The following STK3 variants were observed in gnomAD, a reference collection of about 807,000 sequenced individuals.
STK3 encodes the protein serine/threonine-protein kinase 3.
In STK3, 41 loss-of-function variants were observed where a neutral mutation model predicts 58.0. The ratio of observed to expected loss-of-function variants is 0.71; its 90% confidence interval spans 0.55 to 0.92. STK3 has a LOEUF of 0.92. Ranked by LOEUF, STK3 falls within the 40% of genes least tolerant of loss-of-function variation. The probability of loss-of-function intolerance (pLI) is 0.00; values close to 1 mark genes in which losing one functional copy is unlikely to be tolerated. For missense variants in STK3, 479 were observed against 602.7 expected, an observed-to-expected ratio of 0.79 and a Z score of 2.15; for synonymous variants, 170 against 191.0, an observed-to-expected ratio of 0.89 and a Z score of 0.91.
At chr8:98,460,892 A>T (rs1018981573) in intron 10 of STK3, among the ~76,000 whole-genome samples, 4 of 152,142 alleles carry the variant, frequency 2.6e-5, no homozygotes, top group African/African-American at 9.7e-5. Flanking sequence ...AAACATATTG[A>T]GACTTGTTTT....
chr8:98,568,060 AGAT>A (rs1812636462), intron 8 of STK3, among the ~76,000 whole-genome samples: 1 of 137,870 alleles, frequency 7.3e-6, no homozygotes, highest in Non-Finnish European at 1.6e-5. Context: ...TGTCTTAGAT[AGAT>A]GATAGATAGA....
At position 98,742,483 on chromosome 8, in the gene STK3, T is replaced by C. The variant is rs375323105; in HGVS notation, c.351+6793A>G. On this transcript the variant is annotated intron_variant, in intron 4 of 10. Transcript: ENST00000419617. Reference sequence around the variant, plus strand: ...TAAACAGAACCAACGACAAAAACCATATGATTATCTCAATAGATGCAGAAA... The same window carrying C: ...TAAACAGAACCAACGACAAAAACCACATGATTATCTCAATAGATGCAGAAA... Among the ~76,000 whole-genome samples, 8 of 122,042 alleles carry C rather than the reference T, an allele frequency of 6.6e-5. 1 individual carries two copies. The highest frequency in any genetic ancestry group is 2.8e-4 in the Admixed American group (3 of 10,742). The allele number at this position is 122,042 out of a possible 152,430, so 80.1% of individuals were successfully genotyped here.
intron 10 of STK3, among the ~76,000 whole-genome samples, chr8:98,521,481 G>A (rs1214605928): frequency 1.3e-5 from 2 of 151,664 alleles, no homozygotes; most frequent in South Asian, 2.1e-4. Flanking sequence ...CCACATAACC[G>A]ATTTCCCCTA....
At chr8:98,838,429 G>A (rs559456883) in intron 3 of STK3, among the ~76,000 whole-genome samples, 15 of 152,104 alleles carry the variant, frequency 9.9e-5, no homozygotes, top group Non-Finnish European at 1.6e-4. Flanking sequence ...ACTTCTAGGC[G>A]AGGAGAGTTA....
downstream of STK3, among the ~76,000 whole-genome samples, chr8:98,453,862 TA>T (rs1819313834): frequency 6.6e-6 from 1 of 152,140 alleles, no homozygotes; most frequent in South Asian, 2.1e-4. Context: ...AACAGGTTAG[TA>T]AAAAGAAAAA....
intron 10 of STK3, among the ~76,000 whole-genome samples, chr8:98,518,115 T>C (rs1384878036): frequency 6.6e-6 from 1 of 152,128 alleles, no homozygotes; most frequent in Non-Finnish European, 1.5e-5. Context: ...CATTTTTCTT[T>C]TGCCATGTGC....
intron 1 of STK3, among the ~76,000 whole-genome samples, chr8:98,780,330 C>T (rs1832006801): frequency 6.6e-6 from 1 of 151,986 alleles, no homozygotes; most frequent in Non-Finnish European, 1.5e-5. Context: ...GGATTTTAGC[C>T]AATCTGTGAT....
At chr8:98,692,910 T>G (rs1258370803) in intron 6 of STK3, among the ~76,000 whole-genome samples, 1 of 152,044 alleles carries the variant, frequency 6.6e-6, no homozygotes. Context: ...AGAAGATATG[T>G]CCACATCCTA....
chr8:98,862,086 G>A (rs934808631), intron 3 of STK3, among the ~76,000 whole-genome samples: 5 of 152,162 alleles, frequency 3.3e-5, no homozygotes, highest in African/African-American at 1.2e-4. Context: ...GGGGAATAGG[G>A]AGTCCACAGA....
chr8:98,367,549 C>T (rs1037715054), downstream of STK3, among the ~76,000 whole-genome samples: 5 of 152,230 alleles, frequency 3.3e-5, no homozygotes, highest in African/African-American at 1.2e-4. Flanking sequence ...ACTTGCACAG[C>T]AAGCCTGTCT....
chr8:98,692,567 G>A (rs948278689), intron 6 of STK3, among the ~76,000 whole-genome samples: 10 of 152,166 alleles, frequency 6.6e-5, no homozygotes, highest in Admixed American at 5.9e-4. Flanking sequence ...GTTGGAGCAA[G>A]AGGATATGGA....
At chr8:98,620,471 A>AAAT (rs1818187051) in intron 6 of STK3, among the ~76,000 whole-genome samples, 1 of 148,100 alleles carries the variant, frequency 6.8e-6, no homozygotes, top group African/African-American at 2.5e-5. Context: ...TATAATAAAA[A>AAAT]AAATAAATAA....
chr8:98,557,424 G>C (rs1264248746), intron 8 of STK3, among the ~76,000 whole-genome samples: 2 of 152,044 alleles, frequency 1.3e-5, no homozygotes, highest in Admixed American at 1.3e-4. Context: ...AAGGATAGCA[G>C]TTATCCCATT....
chr8:98,539,793 G>A (rs180874560), intron 9 of STK3, among the ~76,000 whole-genome samples: 184 of 151,826 alleles, frequency 1.2e-3, no homozygotes, highest in African/African-American at 3.8e-3. Flanking sequence ...TTGCTCTGTC[G>A]CCCAGGCTGG....
chr8:98,770,293 C>T lies in STK3; in HGVS notation c.108-2922G>A, dbSNP rs191674841. Reference sequence around the variant, plus strand: ...CAAAGTTATACTCAACTCCCATAGACACCAGGGAGACAAGTATAAAATTTA... The same window carrying T: ...CAAAGTTATACTCAACTCCCATAGATACCAGGGAGACAAGTATAAAATTTA... On this transcript the variant is annotated intron_variant, in intron 2 of 10. Coordinates refer to ENST00000419617, the MANE Select transcript of STK3 (RefSeq NM_006281.4). Among the ~76,000 whole-genome samples, 383 of 152,330 alleles carry T rather than the reference C, an allele frequency of 2.5e-3. 1 individual carries two copies. The highest frequency in any genetic ancestry group is 4.7e-3 in the Non-Finnish European group (317 of 68,020).
In STK3 at chr8:98,504,334, G is replaced by A. The variant is rs765074532; in HGVS notation, c.1317+22408C>T. ...ATACAGCACATTGATGGGTCTTGAC[G>A]CTTTATCCAATTTGCTAGTCTGTGT... is the stretch of plus-strand genomic sequence containing the variant. On this transcript the variant is annotated intron_variant, in intron 10 of 10. Transcript: ENST00000419617. Among the ~76,000 whole-genome samples the A allele has an allele frequency of 4.0e-5, 6 of 150,124 alleles. No homozygotes were observed. In the East Asian group the frequency reaches 5.9e-4, roughly 15 times the overall value.
chr8:98,619,329 G>A (rs1451545643), intron 6 of STK3, among the ~76,000 whole-genome samples: 1 of 151,812 alleles, frequency 6.6e-6, no homozygotes, highest in Non-Finnish European at 1.5e-5. Context: ...ATGGAGTAAA[G>A]ATTTAAACGT....
intron 1 of STK3, among the ~76,000 whole-genome samples, chr8:98,909,076 G>A (rs1374932712): frequency 6.6e-6 from 1 of 152,038 alleles, no homozygotes; most frequent in Non-Finnish European, 1.5e-5. Context: ...CAGGAGAATT[G>A]CTTGAACCCA....
chr8:98,396,724 G>A (rs546992449), downstream of STK3, among the ~76,000 whole-genome samples: 1 of 152,360 alleles, frequency 6.6e-6, no homozygotes, highest in East Asian at 1.9e-4. Flanking sequence ...TGGGTGGCAA[G>A]ACAGAATGAG....
Sources: gnomAD v4.1 joint callset for allele counts (sites outside exome capture counted in the v4.1 genomes callset) on GRCh38, gnomAD v4.1.1 for gene constraint, MANE v1.5 for transcripts, NCBI Gene and HGNC (gene_info 2026-07-23, HGNC 2026-07-21) for gene names.